The following MYH16 variants were observed in gnomAD, a reference collection of about 807,000 sequenced individuals.
MYH16 encodes myosin heavy chain 16.
intron 19 of MYH16, among the ~76,000 whole-genome samples, chr7:99,271,847 A>G (rs1190658053): frequency 6.6e-6 from 1 of 151,804 alleles, no homozygotes; most frequent in Non-Finnish European, 1.5e-5. Flanking sequence ...CTACAGGTGC[A>G]CTGTACCACA....
exon 29 of MYH16, chr7:99,288,102 C>T (rs1159852123): frequency 2.2e-6 from 1 of 456,676 alleles, no homozygotes; most frequent in Non-Finnish European, 4.4e-6. Context: ...GATTGATGAC[C>T]TCAATGCCAG....
exon 35 of MYH16, chr7:99,297,759 T>C: frequency 2.2e-6 from 1 of 456,594 alleles, no homozygotes; most frequent in Non-Finnish European, 4.4e-6. Context: ...AAGGAAGAAC[T>C]CCAGGTGGCC....
chr7:99,296,289 T>C (rs967134674), intron 33 of MYH16, among the ~76,000 whole-genome samples: 1 of 151,670 alleles, frequency 6.6e-6, no homozygotes, highest in African/African-American at 2.4e-5. Context: ...ATGAAATCTA[T>C]AGAAAAATAA....
rs869299904 is a variant in MYH16 at position 99,295,836 on chromosome 7, GAAAAAA to G, written n.4283-847_4283-842del. 2.6e-3 allele frequency among the ~76,000 whole-genome samples: 145 copies of G among 56,796 alleles called. 1 individual carries two copies. Among genetic ancestry groups the G allele is most frequent in the African/African-American group, 9.9e-3 (131 of 13,180 alleles). The allele number at this position is 56,796 out of a possible 152,430, so 37.3% of individuals were successfully genotyped here. ...TGACAGAGTGAGACCTCATCTCTTG[GAAAAAA>G]AAAAAAAAAAAAAAAAAGGCTGGGC... On this transcript the variant is annotated intron_variant and non_coding_transcript_variant, in intron 33 of 41. Transcript: ENST00000439784.
At chr7:99,239,266 A>T (rs368829844) in intron 1 of MYH16, among the ~76,000 whole-genome samples, 5 of 152,256 alleles carry the variant, frequency 3.3e-5, no homozygotes, top group East Asian at 1.9e-4. Flanking sequence ...ATCACATGAA[A>T]GCACTTCATA....
chr7:99,307,962 C>T (rs112643471), downstream of MYH16, among the ~76,000 whole-genome samples: 1,832 of 152,076 alleles, frequency 0.012, 33 homozygotes, highest in African/African-American at 0.042. Flanking sequence ...GATCCACCTG[C>T]CTCAGCCTCC....
intron 33 of MYH16, among the ~76,000 whole-genome samples, chr7:99,295,423 CCTCT>C (rs1325661082): frequency 1.3e-5 from 2 of 152,064 alleles, no homozygotes; most frequent in Non-Finnish European, 2.9e-5. Context: ...TCCCTGTTCC[CCTCT>C]CTCTTACACA....
exon 39 of MYH16, chr7:99,303,102 CAG>C (rs1792627022): frequency 6.5e-6 from 1 of 152,720 alleles, no homozygotes; most frequent in Non-Finnish European, 1.5e-5. Flanking sequence ...AAGCTGGAGT[CAG>C]ATGTCCAGCG....
At chr7:99,280,034 G>A (rs1344691218) in intron 22 of MYH16, among the ~76,000 whole-genome samples, 8 of 152,222 alleles carry the variant, frequency 5.3e-5, no homozygotes, top group East Asian at 1.9e-4. Flanking sequence ...CACCACACCC[G>A]GCTAATTTTT....
intron 1 of MYH16, among the ~76,000 whole-genome samples, chr7:99,240,213 G>T (rs554053541): frequency 2.6e-5 from 4 of 152,084 alleles, no homozygotes; most frequent in African/African-American, 9.7e-5. Flanking sequence ...AGGATCAAGG[G>T]CACTTTAGGT....
At chr7:99,273,302 C>A (rs1024466456) in intron 19 of MYH16, 40 bp from the exon 2 acceptor site, 2 of 456,572 alleles carry the variant, frequency 4.4e-6, no homozygotes, top group Non-Finnish European at 8.8e-6. Flanking sequence ...GGTCCTAACA[C>A]CTTCATTGTA....
intron 20 of MYH16, among the ~76,000 whole-genome samples, chr7:99,276,513 C>T (rs1032308236): frequency 3.3e-5 from 5 of 152,248 alleles, no homozygotes; most frequent in Admixed American, 6.5e-5. Context: ...TAGGACCGGA[C>T]GGAGCCTGGC....
rs140786503 is a variant in MYH16 at position 99,292,514 on chromosome 7, T to G, written n.4149+6T>G. On this transcript the variant is annotated splice_donor_region_variant and intron_variant and non_coding_transcript_variant, in intron 32 of 41. Coordinates refer to ENST00000439784, the Ensembl canonical transcript of MYH16. The stretch of plus-strand genomic sequence containing the variant: ...GAGGAGCTGGAGGAGACCAAGTGAG[T>G]GTGGTCTTCCTGTTGAGAGAGCCAG... The G allele has an allele frequency of 1.5e-5, 7 of 461,440 alleles. No individual in the cohort carries two copies. Among genetic ancestry groups the G allele is most frequent in the South Asian group, 1.1e-4 (7 of 64,940 alleles). 28.6% of individuals were successfully genotyped at this position (461,440 alleles called of 1,614,324 possible).
intron 30 of MYH16, among the ~76,000 whole-genome samples, chr7:99,290,335 T>C (rs1215219881): frequency 6.6e-6 from 1 of 150,940 alleles, no homozygotes; most frequent in Non-Finnish European, 1.5e-5. Flanking sequence ...ACAATGTTTT[T>C]AAATAGCTGG....
exon 21 of MYH16, chr7:99,277,595 G>A (rs543253655): frequency 2.0e-5 from 9 of 457,046 alleles, no homozygotes; most frequent in African/African-American, 1.6e-4. Context: ...CCAAGGAGGA[G>A]GAGCTCAGGA....
At chr7:99,279,441 G>C (rs1476640530) in intron 21 of MYH16, 69 bp from the exon 4 acceptor site, 1 of 436,574 alleles carries the variant, frequency 2.3e-6, no homozygotes, top group African/African-American at 2.0e-5. Context: ...TCAGCTCAAG[G>C]CTTGTCCAGC....
At chr7:99,267,916 G>A (rs148357720) in intron 18 of MYH16, among the ~76,000 whole-genome samples, 389 of 152,308 alleles carry the variant, frequency 2.6e-3, no homozygotes, top group African/African-American at 4.7e-3. Flanking sequence ...CCTCTGTGCC[G>A]CCTGGAGCAG....
At chr7:99,296,550 A>G (rs1792496298) in intron 33 of MYH16, among the ~76,000 whole-genome samples, 151 bp from the exon 15 acceptor site, 1 of 151,512 alleles carries the variant, frequency 6.6e-6, no homozygotes, top group South Asian at 2.1e-4. Context: ...TGCTTCTGCC[A>G]TAGCTGTTGA....
chr7:99,296,391 A>G (rs768392745), intron 33 of MYH16, among the ~76,000 whole-genome samples: 1 of 152,024 alleles, frequency 6.6e-6, no homozygotes, highest in Non-Finnish European at 1.5e-5. Flanking sequence ...GAATGTCATA[A>G]ATCTGGGAAG....
Sources: gnomAD v4.1 joint callset for allele counts (sites outside exome capture counted in the v4.1 genomes callset) on GRCh38, gnomAD v4.1.1 for gene constraint, MANE v1.5 for transcripts, NCBI Gene and HGNC (gene_info 2026-07-23, HGNC 2026-07-21) for gene names.